The following ZNF554 variants were observed in gnomAD, a reference collection of about 807,000 sequenced individuals.
ZNF554 encodes the protein zinc finger protein 554.
A neutral mutation model predicts 21.2 loss-of-function variants in ZNF554; 15 were observed. The ratio of observed to expected loss-of-function variants is 0.71; its 90% CI spans 0.47 to 1.09. ZNF554 has a LOEUF of 1.09. ZNF554 is among the 50% of genes least tolerant of loss of function. The pLI is 0.00. For synonymous variants in ZNF554, 258 were observed against 251.4 expected, an observed-to-expected ratio of 1.03 and a Z score of -0.25; for missense variants, 691 against 662.7, an observed-to-expected ratio of 1.04 and a Z score of -0.47.
rs952027107 is a variant in ZNF554 at position 2,836,717 on chromosome 19, A to G, written c.*1865A>G. 4.6e-5 allele frequency among the ~76,000 whole-genome samples: 7 copies of G among 152,228 alleles called. No homozygotes were observed. The highest frequency in any genetic ancestry group is 1.7e-4 in the African/African-American group (7 of 41,454). The stretch of plus-strand genomic sequence containing the variant: ...AATAGCACCCAAAATTGTGAAGGAT[A>G]CGGAACCTCATTGATGAGTCAGGAT... On this transcript the variant is annotated 3_prime_UTR_variant, in exon 5 of 5. Transcript: ENST00000317243.
At chr19:2,820,683 C>CTTTTTTTTTTTTTTTTTTTTTTTTT (rs1568330714) in intron 1 of ZNF554, among the ~76,000 whole-genome samples, 5 of 81,826 alleles carry the variant, frequency 6.1e-5, no homozygotes, top group African/African-American at 3.0e-4. Flanking sequence ...CAGCAAGGGT[C>CTTTTTTTTTTTTTTTTTTTTTTTTT]CTTTTTTTTT....
rs1224027302 is a variant in ZNF554 at position 2,836,605 on chromosome 19, T to C, written c.*1753T>C. 2.6e-5 allele frequency among the ~76,000 whole-genome samples: 4 copies of C among 152,170 alleles called. No individual in the cohort carries two copies. Among genetic ancestry groups the C allele is most frequent in the African/African-American group, 9.7e-5 (4 of 41,400 alleles). ...AAGAAATGAATCATTTACGCAATGATTGGGGTGTTCCAATTATGTGTGATT... is the reference window on the plus strand; with the variant it reads ...AAGAAATGAATCATTTACGCAATGACTGGGGTGTTCCAATTATGTGTGATT... On this transcript the variant is annotated 3_prime_UTR_variant, in exon 5 of 5. Transcript: ENST00000317243.
chr19:2,834,199 A>G lies in ZNF554; in HGVS notation c.964A>G (p.Lys322Glu), dbSNP rs750349419. The G allele has an allele frequency of 1.2e-6, 2 of 1,614,048 alleles. No individual in the cohort carries two copies. Among genetic ancestry groups the G allele is most frequent in the South Asian group, 2.2e-5 (2 of 91,080 alleles). The change falls in exon 5 of 5, where the codon AAA becomes GAA. Residue 322 changes from lysine (K) to glutamate (E), a missense_variant. Coordinates refer to ENST00000317243, the MANE Select transcript of ZNF554 (RefSeq NM_001102651.2). ...CCACAACAAAATCAACACGGCAGAG[A>G]AACCCTTTGAGTGCCACCAGTGTGG... ...TIHNKINTAE[K>E]PFECHQCGKV...
intron 3 of ZNF554, chr19:2,832,088 G>A (rs1599552015): frequency 2.7e-6 from 1 of 365,626 alleles, no homozygotes; most frequent in East Asian, 5.2e-5. Context: ...ACCACGCCCA[G>A]CTAATTTTTG....
intron 2 of ZNF554, among the ~76,000 whole-genome samples, chr19:2,826,895 G>T (rs1475891584): frequency 2.6e-5 from 4 of 151,966 alleles, no homozygotes; most frequent in South Asian, 4.2e-4. Flanking sequence ...ATCTCCTGAC[G>T]TCGTGATCCA....
intron 1 of ZNF554, 144 bp downstream of exon 1, chr19:2,820,268 G>T (rs1396085332): frequency 2.6e-6 from 2 of 775,006 alleles, no homozygotes; most frequent in East Asian, 3.9e-5. Flanking sequence ...CCGGCAGCTC[G>T]CCCAGGGCCC....
At chr19:2,829,410 AGGCCAAGGCGG>A (rs1175420008) in intron 3 of ZNF554, among the ~76,000 whole-genome samples, 1 of 151,932 alleles carries the variant, frequency 6.6e-6, no homozygotes, top group African/African-American at 2.4e-5. Flanking sequence ...GCACTCTGGG[AGGCCAAGGCGG>A]GGTAGATCAC....
intron 3 of ZNF554, chr19:2,831,364 G>A (rs1385610761): frequency 6.7e-6 from 1 of 149,738 alleles, no homozygotes. Context: ...CTGCAATCTC[G>A]GCTCACTGCA....
intron 4 of ZNF554, chr19:2,833,038 T>C (rs1344449571): frequency 1.3e-5 from 2 of 150,742 alleles, no homozygotes; most frequent in Non-Finnish European, 2.9e-5. Context: ...CATTTTCTTC[T>C]TGAAGCCATT....
chr19:2,825,832 A>AT (rs1189487755), intron 2 of ZNF554, among the ~76,000 whole-genome samples: 1 of 152,098 alleles, frequency 6.6e-6, no homozygotes, highest in Non-Finnish European at 1.5e-5. Context: ...TAAGGCTGGG[A>AT]TTGAAAGCTC....
At chr19:2,820,683 C>CTTTTTTTTTTTTT (rs1568330714) in intron 1 of ZNF554, among the ~76,000 whole-genome samples, 4 of 81,830 alleles carry the variant, frequency 4.9e-5, no homozygotes, top group African/African-American at 2.4e-4. Flanking sequence ...CAGCAAGGGT[C>CTTTTTTTTTTTTT]CTTTTTTTTT....
chr19:2,831,593 C>CTTTTTTTTTTTTTTTT (rs71179916), intron 3 of ZNF554: 1 of 113,480 alleles, frequency 8.8e-6, no homozygotes, highest in African/African-American at 3.4e-5. Context: ...TGCACCCGCC[C>CTTTTTTTTTTTTTTTT]TTTTTTTTTT....
chr19:2,832,476 C>T lies in ZNF554; in HGVS notation c.427C>T (p.Pro143Ser), dbSNP rs1416642000. The T allele has an allele frequency of 6.2e-7, 1 of 1,605,184 alleles. No individual in the cohort carries two copies. The highest frequency in any genetic ancestry group is 1.7e-4 in the Middle Eastern group (1 of 6,010). ...CCTGTGGATAGAGGAAAAAGGAACT[C>T]CTCAAGCCTCCTGTTCAGGTGAGAA... ...EALWIEEKGTPQASCSDWMTV... is the reference protein window; with the variant it reads ...EALWIEEKGTSQASCSDWMTV... The change falls in exon 4 of 5, where the codon CCT (proline) becomes TCT (serine). Residue 143 changes from proline to serine, a missense_variant. Physicochemically the swap from Pro to Ser is moderately conservative, Grantham distance 74 (BLOSUM62 -1). Transcript: ENST00000317243.
At chr19:2,827,518 A>T in intron 2 of ZNF554, 99 bp from the exon 3 acceptor site, 1 of 1,464,488 alleles carries the variant, frequency 6.8e-7, no homozygotes, top group Non-Finnish European at 9.2e-7. Context: ...TTGCACCTTG[A>T]CCTTTCTCAA....
In ZNF554 at chr19:2,834,656, GC is replaced by G. The variant is rs1304702445; in HGVS notation, c.1423del (p.Gln475ArgfsTer6). On this transcript the variant is annotated frameshift_variant, in exon 5 of 5. Coordinates refer to ENST00000317243, the MANE Select transcript of ZNF554 (RefSeq NM_001102651.2). LOFTEE classifies it low-confidence loss of function (END_TRUNC). ...TGTAAGCAGTGTGGGAGAGCCTTCA[GC>G]CAGAGGTCTTCCCTTGTGAGGCACG... The part of the protein sequence containing the change: ...YECKQCGRAF[S>X]QRSSLVRHER... 1 of 1,613,948 alleles carries G rather than the reference GC, an allele frequency of 6.2e-7. No homozygotes were observed. Among genetic ancestry groups the G allele is most frequent in the East Asian group, 2.2e-5 (1 of 44,860 alleles).
chr19:2,824,070 G>A (rs926787088), intron 2 of ZNF554, among the ~76,000 whole-genome samples: 6 of 152,188 alleles, frequency 3.9e-5, no homozygotes, highest in African/African-American at 1.4e-4. Flanking sequence ...CAGGCAGTGG[G>A]AGCAGACACC....
At position 2,834,615 on chromosome 19, in the gene ZNF554, C is replaced by T. The variant is rs745426289; in HGVS notation, c.1380C>T (p.Gly460=). 9 of 1,613,776 alleles carry T rather than the reference C, an allele frequency of 5.6e-6. No homozygotes were observed. The highest frequency in any genetic ancestry group is 2.7e-5 in the African/African-American group (2 of 74,832). ...ACCAGCACGAGCGAACTCACACGGG[C>T]GAGAACCCCTATGAATGTAAGCAGT... The part of the protein sequence containing the change: ...SLNQHERTHT[G]ENPYECKQCG... The change falls in exon 5 of 5, where the codon GGC becomes GGT. Residue 460 remains glycine, a synonymous_variant. Coordinates refer to ENST00000317243, the MANE Select transcript of ZNF554 (RefSeq NM_001102651.2).
At chr19:2,820,211 CG>C in intron 1 of ZNF554, 87 bp downstream of exon 1, 1 of 1,153,746 alleles carries the variant, frequency 8.7e-7, no homozygotes, top group Non-Finnish European at 1.1e-6. Context: ...GCCGGGTGGC[CG>C]GGGCATGACC....
Position 2,820,104 on chromosome 19 carries a change from G to C in ZNF554, c.33G>C (p.Ala11=). The C allele has an allele frequency of 8.2e-7, 1 of 1,218,232 alleles. No homozygotes were observed. The highest frequency in any genetic ancestry group is 3.9e-5 in the South Asian group (1 of 25,328). 75.5% of individuals were successfully genotyped at this position (1,218,232 alleles called of 1,614,324 possible). A position where few individuals can be genotyped will look rare whatever the true frequency, so the allele number is the denominator to read the frequency against. The change falls in exon 1 of 5, where the codon GCG becomes GCC. Residue 11 remains alanine (A), a synonymous_variant. Coordinates refer to ENST00000317243, the MANE Select transcript of ZNF554 (RefSeq NM_001102651.2). ...CCTGCGCCCACCTGGGCCGGCGCGC[G>C]CGGCTCCCGGCAGCTCAGCCGTAAG... MVTCAHLGRR[A]RLPAAQPSAC...
Sources: gnomAD v4.1 joint callset for allele counts (sites outside exome capture counted in the v4.1 genomes callset) on GRCh38, gnomAD v4.1.1 for gene constraint, MANE v1.5 for transcripts, NCBI Gene and HGNC (gene_info 2026-07-23, HGNC 2026-07-21) for gene names.